IFT43: variants seen among roughly 807,000 people sequenced by gnomAD.
The protein encoded by IFT43 is intraflagellar transport 43, also known as intraflagellar transport protein 43 homolog.
IFT43 carries 33 observed loss-of-function variants against 32.3 expected under a neutral mutation model. The observed-to-expected ratio is 1.02, with a 90% CI of 0.77 to 1.37. The LOEUF (loss-of-function observed/expected upper bound fraction) is 1.37, where lower values mean the gene tolerates loss of function less well. Ranked by LOEUF, IFT43 falls within the 40% of genes most tolerant of loss-of-function variation. IFT43 has a pLI of 0.00. For missense variants in IFT43, 274 were observed against 265.9 expected (o/e 1.03, Z -0.21); for synonymous variants, 93 against 98.2 (o/e 0.95, Z 0.31).
At chr14:76,004,721 T>A (rs1362580499) in intron 2 of IFT43, among the ~76,000 whole-genome samples, 1 of 152,202 alleles carries the variant, frequency 6.6e-6, no homozygotes, top group Non-Finnish European at 1.5e-5. Flanking sequence ...TTCTGAAGCC[T>A]TATTAATTTT....
chr14:76,021,127 T>C (rs962321761), intron 2 of IFT43, among the ~76,000 whole-genome samples: 4 of 152,026 alleles, frequency 2.6e-5, no homozygotes, highest in Middle Eastern at 6.8e-3. Context: ...ATGTGTGTGC[T>C]GGCAGTGGTG....
intron 2 of IFT43, among the ~76,000 whole-genome samples, chr14:76,011,544 A>C (rs1206733602): frequency 1.3e-5 from 2 of 152,224 alleles, no homozygotes. Flanking sequence ...TGCAACTAGC[A>C]TGTAATATAT....
intron 3 of IFT43, among the ~76,000 whole-genome samples, chr14:76,038,955 G>T (rs1251625066): frequency 6.6e-6 from 1 of 151,918 alleles, no homozygotes; most frequent in African/African-American, 2.4e-5. Flanking sequence ...TTTGGGCCTG[G>T]TGTCCTTTCC....
rs181672918 is a variant in IFT43, at chr14:76,078,912, C to G, written c.296-3383C>G. On this transcript the variant is annotated intron_variant, in intron 5 of 8. Transcript: ENST00000314067. ...AGTCTCTGGGACTCTGATGTGGTGC[C>G]TTTTTTCCATTCTGCCCCATTTAGC... Among the ~76,000 whole-genome samples the G allele has an allele frequency of 2.6e-5, 4 of 152,280 alleles. No individual in the cohort carries two copies. In the East Asian group the frequency reaches 7.7e-4, roughly 29 times the overall value.
At chr14:76,046,438 G>T (rs1049811748) in intron 3 of IFT43, among the ~76,000 whole-genome samples, 1 of 152,108 alleles carries the variant, frequency 6.6e-6, no homozygotes, top group Non-Finnish European at 1.5e-5. Context: ...GCAAGCAGGG[G>T]AAGTGGTGGG....
At chr14:76,080,464 A>T (rs1167026833) in intron 5 of IFT43, among the ~76,000 whole-genome samples, 1 of 152,246 alleles carries the variant, frequency 6.6e-6, no homozygotes, top group East Asian at 1.9e-4. Context: ...GACGCTGGGC[A>T]GAGTTGACAG....
At chr14:76,047,571 GA>G (rs2140023531) in intron 3 of IFT43, among the ~76,000 whole-genome samples, 1 of 152,290 alleles carries the variant, frequency 6.6e-6, no homozygotes, top group African/African-American at 2.4e-5. Context: ...AAGAAAAAGA[GA>G]AACAGAACAA....
chr14:76,039,924 ATCTT>A (rs1458178576), intron 3 of IFT43, among the ~76,000 whole-genome samples: 16 of 152,156 alleles, frequency 1.1e-4, no homozygotes, highest in African/African-American at 3.9e-4. Flanking sequence ...TTTCTTGCTG[ATCTT>A]TCTGAATCTC....
intron 5 of IFT43, among the ~76,000 whole-genome samples, chr14:76,081,317 C>T (rs2037506466): frequency 6.6e-6 from 1 of 152,250 alleles, no homozygotes; most frequent in East Asian, 1.9e-4. Context: ...GGGATTTCTC[C>T]TTCTTTCCGT....
At chr14:76,028,057 A>G (rs1037096534) in intron 3 of IFT43, among the ~76,000 whole-genome samples, 4 of 152,142 alleles carry the variant, frequency 2.6e-5, no homozygotes, top group South Asian at 2.1e-4. Flanking sequence ...GATTCAAGTT[A>G]AAGGTTGTTG....
chr14:76,049,716 G>T (rs1185287768), intron 3 of IFT43, among the ~76,000 whole-genome samples: 1 of 42,068 alleles, frequency 2.4e-5, no homozygotes, highest in Non-Finnish European at 5.3e-5. Flanking sequence ...TCTCCCAGTG[G>T]GAAGAATAAG....
chr14:76,061,782 G>A (rs2037139773), intron 5 of IFT43, among the ~76,000 whole-genome samples: 1 of 151,812 alleles, frequency 6.6e-6, no homozygotes, highest in African/African-American at 2.4e-5. Flanking sequence ...GAAGTGTTTC[G>A]GAGTTCAGAT....
At chr14:76,084,037 C>A (rs771138650), downstream of IFT43, 1 of 452,198 alleles carries the variant, frequency 2.2e-6, no homozygotes, top group South Asian at 1.6e-5. Flanking sequence ...GGCTTCCAGG[C>A]AGCTGCAGCG....
chr14:76,024,243 G>A (rs2036347718), intron 3 of IFT43, among the ~76,000 whole-genome samples: 1 of 152,196 alleles, frequency 6.6e-6, no homozygotes, highest in South Asian at 2.1e-4. Flanking sequence ...GATGGTTTCA[G>A]AATTACCTTG....
intron 3 of IFT43, among the ~76,000 whole-genome samples, chr14:76,053,155 A>G (rs1034337804): frequency 6.6e-6 from 1 of 152,240 alleles, no homozygotes; most frequent in East Asian, 1.9e-4. Context: ...TATAGGACAT[A>G]TGTGATTATA....
At chr14:76,044,334 C>T (rs2036764644) in intron 3 of IFT43, among the ~76,000 whole-genome samples, 1 of 152,172 alleles carries the variant, frequency 6.6e-6, no homozygotes, top group Non-Finnish European at 1.5e-5. Context: ...GCCACCATGC[C>T]AGGCCACAAA....
chr14:76,026,348 C>T (rs1012522166), intron 3 of IFT43, among the ~76,000 whole-genome samples: 2 of 151,990 alleles, frequency 1.3e-5, no homozygotes, highest in South Asian at 2.1e-4. Flanking sequence ...CACCTGAGGT[C>T]GGGAGTTTGA....
chr14:76,071,025 A>C (rs781041140), intron 5 of IFT43, among the ~76,000 whole-genome samples: 3 of 152,166 alleles, frequency 2.0e-5, no homozygotes, highest in Admixed American at 6.5e-5. Context: ...CTTAAACTCA[A>C]TTTGTTTTCC....
At chr14:76,006,567 G>A (rs960695495) in intron 2 of IFT43, among the ~76,000 whole-genome samples, 8 of 152,068 alleles carry the variant, frequency 5.3e-5, no homozygotes, top group African/African-American at 1.7e-4. Context: ...AATGTAGTAA[G>A]TTTTTTGTAA....
Sources: gnomAD v4.1 joint callset for allele counts (sites outside exome capture counted in the v4.1 genomes callset) on GRCh38, gnomAD v4.1.1 for gene constraint, MANE v1.5 for transcripts, NCBI Gene and HGNC (gene_info 2026-07-23, HGNC 2026-07-21) for gene names.